Variants in PAQR5 observed in about 807,000 individuals in gnomAD.
The protein encoded by PAQR5 is membrane progestin receptor gamma.
Under a neutral mutation model 34.5 loss-of-function variants are expected in PAQR5, and 20 were observed. The observed-to-expected ratio is 0.58, with a 90% confidence interval of 0.41 to 0.84. The LOEUF is 0.84. Ranked by LOEUF, PAQR5 falls within the 40% of genes least tolerant of loss-of-function variation. The pLI is 0.00. For synonymous variants in PAQR5, 131 were observed against 155.6 expected (o/e 0.84, Z 1.18); for missense variants, 378 against 412.7 (o/e 0.92, Z 0.73).
In PAQR5 at chr15:69,404,677, A is replaced by G. The variant is rs1030958696; in HGVS notation, c.*855A>G. 11 of 343,200 alleles carry G rather than the reference A, an allele frequency of 3.2e-5. No homozygotes were observed. The highest frequency in any genetic ancestry group is 5.7e-5 in the Non-Finnish European group (11 of 191,890). The allele number at this position is 343,200 out of a possible 1,614,324, so 21.3% of individuals were successfully genotyped here. On this transcript the variant is annotated 3_prime_UTR_variant, in exon 9 of 9. Transcript: ENST00000395407. Reference sequence around the variant, plus strand: ...AAATTGCTATATTTGGGGATGTCATACATTTGATATTGCTTCAGCATTTCA... The same window carrying G: ...AAATTGCTATATTTGGGGATGTCATGCATTTGATATTGCTTCAGCATTTCA...
chr15:69,325,129 C>T (rs912752248), intron 1 of PAQR5, among the ~76,000 whole-genome samples: 3 of 152,146 alleles, frequency 2.0e-5, no homozygotes, highest in African/African-American at 7.2e-5. Context: ...GAACTCCTGA[C>T]CTCAGGTGAT....
chr15:69,403,545 A>G, intron 8 of PAQR5, 36 bp from the exon 9 acceptor site: 2 of 1,609,072 alleles, frequency 1.2e-6, no homozygotes, highest in Non-Finnish European at 1.7e-6. Flanking sequence ...ATTCCTTTTC[A>G]TTGCTGATCT....
At chr15:69,398,168 C>G (rs1179293967) in intron 7 of PAQR5, among the ~76,000 whole-genome samples, 1 of 152,130 alleles carries the variant, frequency 6.6e-6, no homozygotes, top group East Asian at 1.9e-4. Context: ...TTCGGGAATG[C>G]ATTGTTCCAT....
At chr15:69,338,042 A>G (rs2054552093) in intron 2 of PAQR5, among the ~76,000 whole-genome samples, 1 of 152,092 alleles carries the variant, frequency 6.6e-6, no homozygotes, top group African/African-American at 2.4e-5. Flanking sequence ...ACACCACTGC[A>G]CTCCAGCCTG....
chr15:69,358,852 C>A (rs1302639603), intron 2 of PAQR5, among the ~76,000 whole-genome samples: 1 of 152,024 alleles, frequency 6.6e-6, no homozygotes, highest in Non-Finnish European at 1.5e-5. Context: ...TGGGGCTCAA[C>A]TGATCGTCCC....
chr15:69,344,236 A>G (rs2054711020), intron 2 of PAQR5, among the ~76,000 whole-genome samples: 1 of 152,214 alleles, frequency 6.6e-6, no homozygotes, highest in South Asian at 2.1e-4. Flanking sequence ...CTGAACTTCT[A>G]GTTGTATTCA....
At chr15:69,394,250 G>C (rs1411767577) in intron 6 of PAQR5, among the ~76,000 whole-genome samples, 1 of 152,128 alleles carries the variant, frequency 6.6e-6, no homozygotes. Flanking sequence ...AGTTCAGAGG[G>C]GTGGAGCTGA....
At chr15:69,336,870 T>A (rs1231965474) in intron 1 of PAQR5, among the ~76,000 whole-genome samples, 4 of 152,226 alleles carry the variant, frequency 2.6e-5, no homozygotes. Flanking sequence ...ATAATTGTTA[T>A]GTAAAATTGT....
In PAQR5 at chr15:69,407,720, G is replaced by T. The variant is rs1261088242; in HGVS notation, c.*3898G>T. ...ATATGTTAATTCACCATGAGAAACAGATCCCTGTACACATGTGTATCAGTA... is the reference window on the plus strand; with the variant it reads ...ATATGTTAATTCACCATGAGAAACATATCCCTGTACACATGTGTATCAGTA... On this transcript the variant is annotated 3_prime_UTR_variant, in exon 9 of 9. Transcript: ENST00000395407. The T allele has an allele frequency of 6.6e-6, 1 of 152,180 alleles. No homozygotes were observed. Among genetic ancestry groups the T allele is most frequent in the Non-Finnish European group, 1.5e-5 (1 of 68,032 alleles). The allele number at this position is 152,180 out of a possible 1,614,324, so 9.4% of individuals were successfully genotyped here. A position where few individuals can be genotyped will look rare whatever the true frequency, so the allele number is the denominator to read the frequency against.
chr15:69,310,543 ACTGT>A (rs2096350802), intron 1 of PAQR5, among the ~76,000 whole-genome samples: 2 of 152,314 alleles, frequency 1.3e-5, no homozygotes, highest in Admixed American at 6.5e-5. Context: ...TCTTCTGTGA[ACTGT>A]CTATTCATAT....
intron 1 of PAQR5, among the ~76,000 whole-genome samples, chr15:69,312,395 T>C (rs1247515269): frequency 6.6e-6 from 1 of 152,070 alleles, no homozygotes; most frequent in East Asian, 1.9e-4. Context: ...TAGGTCCAAC[T>C]TGACTGTTGC....
chr15:69,379,883 G>T lies in PAQR5; in HGVS notation c.52G>T (p.Val18Leu), dbSNP rs1230455748. Residue 18 changes from valine (V) to leucine (L), a missense_variant and splice_region_variant, in exon 4 of 9, where the codon GTG (valine) becomes TTG (leucine). Val to Leu is a conservative substitution (Grantham distance 32). Transcript: ENST00000395407. ...RLFSIDQIPQ[V>L]FHEQGILFGY... ...GTGTCCTTTTCCTTTGCCTCTGCAG[G>T]TGTTCCATGAGCAAGGCATCCTGTT... is the stretch of plus-strand genomic sequence containing the variant. 1.2e-6 allele frequency: 2 copies of T among 1,613,608 alleles called. No homozygotes were observed. Among genetic ancestry groups the T allele is most frequent in the South Asian group, 2.2e-5 (2 of 91,044 alleles).
chr15:69,323,101 G>A (rs1401306822), intron 1 of PAQR5, among the ~76,000 whole-genome samples: 1 of 152,200 alleles, frequency 6.6e-6, no homozygotes, highest in Non-Finnish European at 1.5e-5. Flanking sequence ...TGAACATAAA[G>A]TGTGGAACAT....
At position 69,310,554 on chromosome 15, in the gene PAQR5, A is replaced by G. The variant is rs1009462281; in HGVS notation, c.-277+11498A>G. On this transcript the variant is annotated intron_variant, in intron 1 of 8. Coordinates refer to ENST00000395407, the MANE Select transcript of PAQR5 (RefSeq NM_017705.4). ...TTCCTCTTCTGTGAACTGTCTATTC[A>G]TATGTTTTATCAATTTTATTTGAAG... is the stretch of plus-strand genomic sequence containing the variant. Among the ~76,000 whole-genome samples the G allele has an allele frequency of 2.6e-5, 4 of 152,164 alleles. No individual in the cohort carries two copies. The South Asian group carries it at 8.3e-4, about 31-fold the overall frequency.
chr15:69,301,523 T>A (rs2053604927), intron 1 of PAQR5, among the ~76,000 whole-genome samples: 1 of 152,168 alleles, frequency 6.6e-6, no homozygotes, highest in African/African-American at 2.4e-5. Flanking sequence ...CTCTCTCTCC[T>A]TACCACTCCA....
In PAQR5 at chr15:69,384,757, ACATGTG is replaced by A; in HGVS notation, c.263_268del (p.Met88_Cys89del). 5 of 1,613,896 alleles carry A rather than the reference ACATGTG, an allele frequency of 3.1e-6. No homozygotes were observed. Among genetic ancestry groups the A allele is most frequent in the Non-Finnish European group, 4.2e-6 (5 of 1,179,776 alleles). On this transcript the variant is annotated inframe_deletion, in exon 5 of 9. Coordinates refer to ENST00000395407, the MANE Select transcript of PAQR5 (RefSeq NM_017705.4). Reference sequence around the variant, plus strand: ...AGCTACTCCTGGCCCATGCTTGTGTACATGTGCACCAGCTGCGTGTACCCACTTGTG... The same window carrying A: ...AGCTACTCCTGGCCCATGCTTGTGTACACCAGCTGCGTGTACCCACTTGTG...
intron 3 of PAQR5, among the ~76,000 whole-genome samples, chr15:69,363,553 T>G (rs1036816410): frequency 7.2e-6 from 1 of 137,950 alleles, no homozygotes; most frequent in Non-Finnish European, 1.6e-5. Flanking sequence ...GTTTTTGTTT[T>G]TTTTTTTTTT....
chr15:69,378,264 T>TAAAAAAAAAAAAAAAAAAAAAAAAAAAAA (rs71149912), intron 3 of PAQR5, among the ~76,000 whole-genome samples: 1 of 59,684 alleles, frequency 1.7e-5, no homozygotes, highest in African/African-American at 8.4e-5. Flanking sequence ...GACTCCATCT[T>TAAAAAAAAAAAAAAAAAAAAAAAAAAAAA]AAAAAAAAAA....
At chr15:69,398,001 C>T (rs1398637280) in intron 7 of PAQR5, among the ~76,000 whole-genome samples, 3 of 152,082 alleles carry the variant, frequency 2.0e-5, no homozygotes, top group East Asian at 1.9e-4. Context: ...AGCAGGAGAG[C>T]GAGCTCTGCA....
Sources: allele counts gnomAD v4.1 joint callset (sites outside exome capture counted in the v4.1 genomes callset), GRCh38; gene constraint gnomAD v4.1.1; transcripts MANE v1.5; gene names NCBI Gene and HGNC (gene_info 2026-07-23, HGNC 2026-07-21).